SEMA3E: variants seen among roughly 807,000 people sequenced by gnomAD.
The protein encoded by SEMA3E is semaphorin 3E, also known as semaphorin-3E.
SEMA3E carries 49 observed loss-of-function variants against 93.6 expected under a neutral mutation model. That is an observed-to-expected ratio of 0.52 (90% CI 0.42 to 0.66). SEMA3E has a LOEUF of 0.66. SEMA3E is among the 30% of genes least tolerant of loss of function. The probability of loss-of-function intolerance (pLI) is 0.00; values close to 1 mark genes in which losing one functional copy is unlikely to be tolerated. For missense variants in SEMA3E, 906 were observed against 964.8 expected (o/e 0.94, Z 0.81); for synonymous variants, 363 against 330.7 (o/e 1.10, Z -1.06).
At chr7:83,490,067 TCC>T (rs772507420) in intron 2 of SEMA3E, 45 bp downstream of exon 2, 3 of 1,575,524 alleles carry the variant, frequency 1.9e-6, no homozygotes, top group Middle Eastern at 1.7e-4. Context: ...TCTTGAAATT[TCC>T]CCCCTTTTCT....
Position 83,532,008 on chromosome 7 carries a change from C to T in SEMA3E, c.116-41734G>A, listed in dbSNP as rs78521496. On this transcript the variant is annotated intron_variant, in intron 1 of 16. Coordinates refer to ENST00000643230, the MANE Select transcript of SEMA3E (RefSeq NM_012431.3). ...GGCTCTGAAAACAACATGTGATAAA[C>T]GTGACTTTTTAAAGTTAGCATGCAT... Among the ~76,000 whole-genome samples, 658 of 152,194 alleles carry T rather than the reference C, an allele frequency of 4.3e-3. 8 individuals are homozygous for T. Among genetic ancestry groups the T allele is most frequent in the African/African-American group, 0.015 (632 of 41,550 alleles).
At chr7:83,632,142 T>C (rs545937382) in intron 1 of SEMA3E, among the ~76,000 whole-genome samples, 263 of 141,722 alleles carry the variant, frequency 1.9e-3, no homozygotes, top group African/African-American at 6.7e-3. Flanking sequence ...GCAACAAAGG[T>C]GGAACTCCAT....
intron 13 of SEMA3E, 82 bp downstream of exon 13, chr7:83,394,215 C>T (rs1788072955): frequency 2.3e-5 from 32 of 1,409,472 alleles, no homozygotes; most frequent in Non-Finnish European, 3.1e-5. Context: ...AGCACATGTA[C>T]TAATGTTCTC....
intron 1 of SEMA3E, among the ~76,000 whole-genome samples, chr7:83,566,944 T>G (rs1792174269): frequency 6.6e-6 from 1 of 152,178 alleles, no homozygotes; most frequent in Non-Finnish European, 1.5e-5. Context: ...TAAGCTTTAA[T>G]GTAAACATAC....
At chr7:83,574,445 G>A (rs527969737) in intron 1 of SEMA3E, among the ~76,000 whole-genome samples, 36 of 133,016 alleles carry the variant, frequency 2.7e-4, no homozygotes, top group Admixed American at 7.6e-4. Context: ...AAGAGAGGAG[G>A]AGAAGTAAAG....
At chr7:83,394,027 T>G (rs1460065606) in intron 13 of SEMA3E, among the ~76,000 whole-genome samples, 3 of 152,152 alleles carry the variant, frequency 2.0e-5, no homozygotes, top group Non-Finnish European at 4.4e-5. Flanking sequence ...ACATAAAGTT[T>G]CAGTCAAACA....
chr7:83,602,897 G>A (rs2115988935), intron 1 of SEMA3E, among the ~76,000 whole-genome samples: 1 of 152,092 alleles, frequency 6.6e-6, no homozygotes, highest in East Asian at 1.9e-4. Context: ...AACATGTATT[G>A]TTATTATTTT....
At chr7:83,451,554 T>C (rs1789359148) in intron 4 of SEMA3E, among the ~76,000 whole-genome samples, 1 of 152,188 alleles carries the variant, frequency 6.6e-6, no homozygotes, top group South Asian at 2.1e-4. Flanking sequence ...ATATTCCTTC[T>C]AGTACTTGAG....
intron 16 of SEMA3E, among the ~76,000 whole-genome samples, chr7:83,375,361 A>C (rs775074103): frequency 6.6e-6 from 1 of 152,254 alleles, no homozygotes. Context: ...CCTTATAAAA[A>C]GAGAGGGAGG....
At position 83,367,479 on chromosome 7, in the gene SEMA3E, T is replaced by C; in HGVS notation, c.*107A>G. ...AACACCTTCATAGTCATTCCTGTATTACAGAAATCTCTTTTAAGTAATGCA... is the reference window on the plus strand; with the variant it reads ...AACACCTTCATAGTCATTCCTGTATCACAGAAATCTCTTTTAAGTAATGCA... On this transcript the variant is annotated 3_prime_UTR_variant, in exon 17 of 17. Transcript: ENST00000643230. 2 of 1,115,894 alleles carry C rather than the reference T, an allele frequency of 1.8e-6. No individual in the cohort carries two copies. Among genetic ancestry groups the C allele is most frequent in the South Asian group, 2.5e-5 (2 of 79,758 alleles). 69.1% of individuals were successfully genotyped at this position (1,115,894 alleles called of 1,614,324 possible).
At chr7:83,449,516 C>T (rs1240857270) in intron 4 of SEMA3E, among the ~76,000 whole-genome samples, 1 of 151,780 alleles carries the variant, frequency 6.6e-6, no homozygotes, top group Non-Finnish European at 1.5e-5. Flanking sequence ...TTTATGAAGA[C>T]AATATTATTA....
At chr7:83,638,568 T>C (rs936203738) in intron 1 of SEMA3E, among the ~76,000 whole-genome samples, 1 of 152,074 alleles carries the variant, frequency 6.6e-6, no homozygotes, top group African/African-American at 2.4e-5. Flanking sequence ...GCACACTTTA[T>C]ATTTAATACA....
chr7:83,412,776 A>C (rs1788467182), intron 5 of SEMA3E, among the ~76,000 whole-genome samples: 1 of 151,826 alleles, frequency 6.6e-6, no homozygotes, highest in Admixed American at 6.6e-5. Flanking sequence ...AAAAAAAAAA[A>C]AACACACAGG....
Position 83,367,695 on chromosome 7 carries a change from T to C in SEMA3E, c.2219A>G (p.Lys740Arg), listed in dbSNP as rs1164196184. Residue 740 changes from lysine to arginine, a missense_variant, in exon 17 of 17, where the codon AAA becomes AGA. Transcript: ENST00000643230. ...EKVWCTDRKR[K>R]KLKMSPSKWK... ...CTTGGAGGGTGACATTTTAAGCTTT[T>C]TCCTCTTTCTATCTGTGCACCATAC... 6.2e-7 allele frequency: 1 copy of C among 1,614,096 alleles called. No homozygotes were observed. Among genetic ancestry groups the C allele is most frequent in the South Asian group, 1.1e-5 (1 of 91,080 alleles).
rs992700788 is a variant in SEMA3E at position 83,366,521 on chromosome 7, T to C, written c.*1065A>G. 2.6e-5 allele frequency: 4 copies of C among 152,044 alleles called. No homozygotes were observed. The highest frequency in any genetic ancestry group is 4.4e-5 in the Non-Finnish European group (3 of 67,934). The allele number at this position is 152,044 out of a possible 1,614,324, so 9.4% of individuals were successfully genotyped here. On this transcript the variant is annotated 3_prime_UTR_variant, in exon 17 of 17. Transcript: ENST00000643230. ...TTTCACAAATAAAACACGGTTGTTA[T>C]AGTATATTTTAGATTTCAGCGAAGA... is the stretch of plus-strand genomic sequence containing the variant.
rs373976284 is a variant in SEMA3E at position 83,426,520 on chromosome 7, G to T, written c.457-8037C>A. On this transcript the variant is annotated intron_variant, in intron 4 of 16. Coordinates refer to ENST00000643230, the MANE Select transcript of SEMA3E (RefSeq NM_012431.3). Reference sequence around the variant, plus strand: ...TCACTTATAGAACAATAGACATTGAGAATCACTAGAGGGAGTGAGGGAGGC... The same window carrying T: ...TCACTTATAGAACAATAGACATTGATAATCACTAGAGGGAGTGAGGGAGGC... Among the ~76,000 whole-genome samples the T allele has an allele frequency of 1.4e-4, 22 of 152,190 alleles. No homozygotes were observed. In the East Asian group the frequency reaches 3.9e-3, roughly 27 times the overall value.
intron 1 of SEMA3E, among the ~76,000 whole-genome samples, chr7:83,611,368 A>T (rs1020767005): frequency 2.8e-5 from 4 of 144,228 alleles, no homozygotes; most frequent in Non-Finnish European, 6.0e-5. Context: ...AAATTTATAT[A>T]TTATATATAT....
intron 1 of SEMA3E, among the ~76,000 whole-genome samples, chr7:83,507,310 G>A (rs954204389): frequency 2.0e-5 from 3 of 152,126 alleles, no homozygotes; most frequent in African/African-American, 7.2e-5. Context: ...ACCACTGGAA[G>A]GGAGCAAATG....
chr7:83,645,780 C>T (rs1247497980), intron 1 of SEMA3E, among the ~76,000 whole-genome samples: 1 of 151,430 alleles, frequency 6.6e-6, no homozygotes, highest in African/African-American at 2.4e-5. Context: ...CCTAATGATC[C>T]CTTCCTTTCC....
Sources: gnomAD v4.1 joint callset for allele counts (sites outside exome capture counted in the v4.1 genomes callset) on GRCh38, gnomAD v4.1.1 for gene constraint, MANE v1.5 for transcripts, NCBI Gene and HGNC (gene_info 2026-07-23, HGNC 2026-07-21) for gene names.